RABGAP1L: variants seen among roughly 807,000 people sequenced by gnomAD.
RABGAP1L encodes RAB GTPase activating protein 1 like, also known as rab GTPase-activating protein 1-like.
RABGAP1L carries 63 observed loss-of-function variants against 137.7 expected under a neutral mutation model. The ratio of observed to expected loss-of-function variants is 0.46; its 90% CI spans 0.37 to 0.56. RABGAP1L has a LOEUF of 0.56. Ranked by LOEUF, RABGAP1L falls within the 20% of genes least tolerant of loss-of-function variation. The pLI is 0.00. For synonymous variants in RABGAP1L, 431 were observed against 433.7 expected (o/e 0.99, Z 0.08); for missense variants, 1,095 against 1,244.0 (o/e 0.88, Z 1.80).
At chr1:174,547,063 G>A (rs933723122) in intron 13 of RABGAP1L, among the ~76,000 whole-genome samples, 8 of 132,918 alleles carry the variant, frequency 6.0e-5, no homozygotes, top group African/African-American at 2.3e-4. Flanking sequence ...AAAAGATAAA[G>A]CAGTTAAATT....
chr1:174,889,102 GTTTTATT>G (rs1212215227), intron 19 of RABGAP1L, among the ~76,000 whole-genome samples: 1 of 150,162 alleles, frequency 6.7e-6, no homozygotes, highest in Non-Finnish European at 1.5e-5. Flanking sequence ...TTGAATTTTT[GTTTTATT>G]TTTTAATTTT....
At chr1:174,753,937 C>T (rs1004959796) in intron 18 of RABGAP1L, among the ~76,000 whole-genome samples, 2 of 152,188 alleles carry the variant, frequency 1.3e-5, no homozygotes, top group East Asian at 3.8e-4. Flanking sequence ...AATGCTTAAT[C>T]TGTCTTTTGA....
At chr1:174,367,901 T>C (rs1684788537) in intron 11 of RABGAP1L, 1 of 154,014 alleles carries the variant, frequency 6.5e-6, no homozygotes, top group African/African-American at 2.4e-5. Flanking sequence ...AAAATTCTGC[T>C]TTTTTCCTTT....
intron 19 of RABGAP1L, among the ~76,000 whole-genome samples, chr1:174,918,097 A>G (rs768555008): frequency 6.1e-5 from 9 of 146,368 alleles, no homozygotes; most frequent in Non-Finnish European, 1.2e-4. Flanking sequence ...TTTTAATAAT[A>G]ATATAAGAGG....
At chr1:174,278,493 T>A in intron 9 of RABGAP1L, 120 bp from the exon 10 acceptor site, 1 of 732,630 alleles carries the variant, frequency 1.4e-6, no homozygotes, top group African/African-American at 1.8e-5. Context: ...CAGTTAAAAA[T>A]AAACATAGAA....
At chr1:174,652,915 G>T (rs184958726) in intron 14 of RABGAP1L, among the ~76,000 whole-genome samples, 6 of 152,184 alleles carry the variant, frequency 3.9e-5, no homozygotes, top group Non-Finnish European at 8.8e-5. Context: ...CTTCCCCCAG[G>T]TGCTCTGTCC....
At chr1:174,241,703 G>A (rs779346837) in intron 5 of RABGAP1L, 46 bp downstream of exon 5, 2 of 1,439,644 alleles carry the variant, frequency 1.4e-6, no homozygotes, top group Non-Finnish European at 1.9e-6. Flanking sequence ...ATGAATTAGG[G>A]TAATATTTTT....
chr1:174,664,581 A>AC (rs1676607734), intron 14 of RABGAP1L, among the ~76,000 whole-genome samples: 2 of 152,044 alleles, frequency 1.3e-5, no homozygotes, highest in African/African-American at 4.8e-5. Context: ...ACATCCTTGA[A>AC]CCTACAACTT....
chr1:174,338,067 C>T (rs911742115), intron 11 of RABGAP1L, among the ~76,000 whole-genome samples: 1 of 152,092 alleles, frequency 6.6e-6, no homozygotes, highest in Non-Finnish European at 1.5e-5. Flanking sequence ...ATTATTTGGG[C>T]TCTTGACCTT....
intron 13 of RABGAP1L, among the ~76,000 whole-genome samples, chr1:174,437,067 G>T (rs556406255): frequency 7.1e-4 from 108 of 152,336 alleles, no homozygotes; most frequent in Non-Finnish European, 1.2e-3. Context: ...AAACCCATCT[G>T]TACGTCACCA....
chr1:174,590,439 C>T (rs1215936479), intron 13 of RABGAP1L, among the ~76,000 whole-genome samples: 7 of 112,232 alleles, frequency 6.2e-5, no homozygotes, highest in Non-Finnish European at 8.8e-5. Context: ...CATGCTGGTG[C>T]GCTGCACCCA....
intron 19 of RABGAP1L, among the ~76,000 whole-genome samples, chr1:174,854,278 A>C (rs1398699193): frequency 5.9e-5 from 9 of 152,154 alleles, no homozygotes; most frequent in Admixed American, 5.9e-4. Context: ...TTGTTCATTG[A>C]CTTCATGAAT....
intron 11 of RABGAP1L, among the ~76,000 whole-genome samples, chr1:174,331,870 C>T (rs771345501): frequency 1.4e-5 from 2 of 147,184 alleles, no homozygotes; most frequent in Non-Finnish European, 3.0e-5. Flanking sequence ...TGTTCCCCTT[C>T]CTGTGTCCAT....
At chr1:174,386,528 A>G (rs937467440) in intron 12 of RABGAP1L, among the ~76,000 whole-genome samples, 5 of 149,784 alleles carry the variant, frequency 3.3e-5, no homozygotes, top group African/African-American at 7.4e-5. Flanking sequence ...TTTTTTTGAG[A>G]TGGAGTTTCA....
At chr1:174,619,261 A>G (rs1672211484) in intron 13 of RABGAP1L, among the ~76,000 whole-genome samples, 1 of 152,208 alleles carries the variant, frequency 6.6e-6, no homozygotes, top group South Asian at 2.1e-4. Flanking sequence ...CAAGGCAGGC[A>G]ACATTCAGAT....
chr1:174,228,057 T>C (rs1670337094), intron 3 of RABGAP1L, among the ~76,000 whole-genome samples: 1 of 152,122 alleles, frequency 6.6e-6, no homozygotes, highest in South Asian at 2.1e-4. Context: ...AGATCTTGTA[T>C]TTTTTCAGCT....
chr1:174,755,057 G>T (rs1684627388), intron 18 of RABGAP1L, among the ~76,000 whole-genome samples: 2 of 152,172 alleles, frequency 1.3e-5, no homozygotes, highest in Admixed American at 6.5e-5. Context: ...TGATAATTGA[G>T]AGATCAAAGC....
intron 19 of RABGAP1L, among the ~76,000 whole-genome samples, chr1:174,914,502 A>T (rs1383462228): frequency 3.3e-5 from 5 of 152,250 alleles, no homozygotes; most frequent in Non-Finnish European, 7.3e-5. Flanking sequence ...ATACTGAAGT[A>T]CAACTTTAGT....
intron 13 of RABGAP1L, among the ~76,000 whole-genome samples, chr1:174,440,798 TC>T (rs1016913737): frequency 2.0e-5 from 3 of 152,122 alleles, no homozygotes; most frequent in African/African-American, 7.2e-5. Flanking sequence ...CTCAAGTTGA[TC>T]TGCCCGCCTG....
Sources: allele counts gnomAD v4.1 joint callset (sites outside exome capture counted in the v4.1 genomes callset), GRCh38; gene constraint gnomAD v4.1.1; transcripts MANE v1.5; gene names NCBI Gene and HGNC (gene_info 2026-07-23, HGNC 2026-07-21).